Variants in FGD6 observed in about 807,000 individuals in gnomAD.
FGD6 encodes the protein FYVE, RhoGEF and PH domain-containing protein 6.
In FGD6, 90 loss-of-function variants were observed where a neutral mutation model predicts 149.4. The ratio of observed to expected loss-of-function variants is 0.60; its 90% CI spans 0.51 to 0.72. FGD6 has a LOEUF of 0.72. Among genes scored for constraint, FGD6 ranks in the 30% least tolerant of loss-of-function variants. The probability of loss-of-function intolerance (pLI) is 0.00; values close to 1 mark genes in which losing one functional copy is unlikely to be tolerated. For missense variants in FGD6, 1,437 were observed against 1,684.8 expected, an observed-to-expected ratio of 0.85 and a Z score of 2.57; for synonymous variants, 527 against 584.0, an observed-to-expected ratio of 0.90 and a Z score of 1.41.
In FGD6 at chr12:95,076,865, C is replaced by A. The variant is rs941013528; in HGVS notation, c.*4655G>T. ...ATACAAACTGTTATCATTTTAAGTA[C>A]AAAGTATTTCTAGAAATACATTATA... is the stretch of plus-strand genomic sequence containing the variant. On this transcript the variant is annotated 3_prime_UTR_variant, in exon 21 of 21. Transcript: ENST00000343958. 1 of 150,928 alleles carries A rather than the reference C, an allele frequency of 6.6e-6. No individual in the cohort carries two copies. Among genetic ancestry groups the A allele is most frequent in the Non-Finnish European group, 1.5e-5 (1 of 67,840 alleles). The allele number at this position is 150,928 out of a possible 1,614,324, so 9.3% of individuals were successfully genotyped here.
intron 2 of FGD6, among the ~76,000 whole-genome samples, chr12:95,177,551 C>T (rs972119066): frequency 4.6e-5 from 7 of 152,162 alleles, no homozygotes; most frequent in African/African-American, 1.7e-4. Flanking sequence ...CTTCTTTCTA[C>T]TCCTGGCCCA....
chr12:95,119,873 T>C (rs1305176575), intron 8 of FGD6, among the ~76,000 whole-genome samples: 4 of 152,228 alleles, frequency 2.6e-5, no homozygotes, highest in African/African-American at 7.2e-5. Flanking sequence ...TGAGCCAAGA[T>C]TGTGCCACTG....
chr12:95,171,378 A>G (rs1019731935), intron 3 of FGD6, among the ~76,000 whole-genome samples: 4 of 152,186 alleles, frequency 2.6e-5, no homozygotes, highest in African/African-American at 9.6e-5. Flanking sequence ...TTCAAATTCC[A>G]TATTGCTGTA....
At chr12:95,096,922 G>T (rs769745812) in intron 14 of FGD6, among the ~76,000 whole-genome samples, 5 of 152,104 alleles carry the variant, frequency 3.3e-5, no homozygotes, top group Non-Finnish European at 5.9e-5. Context: ...TCCCTCCCCG[G>T]CTCCTCACCA....
chr12:95,169,280 CTG>C (rs1880918266), intron 3 of FGD6, among the ~76,000 whole-genome samples: 1 of 151,754 alleles, frequency 6.6e-6, no homozygotes, highest in African/African-American at 2.4e-5. Flanking sequence ...ATGGGAATGT[CTG>C]TAACACAATC....
intron 12 of FGD6, 105 bp downstream of exon 12, chr12:95,107,458 G>A (rs1475131334): frequency 9.7e-7 from 1 of 1,029,550 alleles, no homozygotes; most frequent in Non-Finnish European, 1.5e-6. Context: ...AGCTGGTGAG[G>A]CTGATATTTG....
chr12:95,139,959 A>G (rs1270262093), intron 6 of FGD6, among the ~76,000 whole-genome samples: 1 of 152,074 alleles, frequency 6.6e-6, no homozygotes, highest in Non-Finnish European at 1.5e-5. Flanking sequence ...TAAAGACTAC[A>G]TTTTAGTCAT....
chr12:95,100,770 T>C (rs1057168307), intron 14 of FGD6: 4 of 483,950 alleles, frequency 8.3e-6, no homozygotes, highest in South Asian at 1.6e-5. Context: ...ATGCTTACAA[T>C]AGTGATGAGC....
In FGD6 at chr12:95,209,201, T is replaced by C. The variant is rs1481529407; in HGVS notation, c.2083A>G (p.Asn695Asp). 1.2e-6 allele frequency: 2 copies of C among 1,614,118 alleles called. No homozygotes were observed. Among genetic ancestry groups the C allele is most frequent in the Admixed American group, 1.7e-5 (1 of 60,012 alleles). The change falls in exon 2 of 21, where the codon AAC becomes GAC. Residue 695 changes from asparagine to aspartate, a missense_variant. By Grantham distance (23) the Asn-to-Asp change is conservative. Coordinates refer to ENST00000343958, the MANE Select transcript of FGD6 (RefSeq NM_018351.4). ...SKPIKAYSTE[N>D]YSLESQKKRK... ...TTCTTTTGAGATTCCAGGCTATAGT[T>C]TTCTGTGGAATATGCCTTGATGGGT...
chr12:95,110,526 T>C (rs371797804), intron 9 of FGD6, among the ~76,000 whole-genome samples: 1 of 151,958 alleles, frequency 6.6e-6, no homozygotes, highest in African/African-American at 2.4e-5. Context: ...CAGCTAATTT[T>C]TGTATTTTTA....
At chr12:95,123,289 G>A (rs145612071) in intron 8 of FGD6, among the ~76,000 whole-genome samples, 4 of 152,060 alleles carry the variant, frequency 2.6e-5, no homozygotes, top group South Asian at 2.1e-4. Flanking sequence ...CCAGCTACTT[G>A]GGAGGCTCAG....
In FGD6 at chr12:95,210,162, C is replaced by G. The variant is rs944472730; in HGVS notation, c.1122G>C (p.Gln374His). 1.9e-6 allele frequency: 3 copies of G among 1,613,840 alleles called. No individual in the cohort carries two copies. The African/African-American group carries it at 4.0e-5, about 22-fold the overall frequency. Residue 374 changes from glutamine (Q) to histidine (H), a missense_variant, in exon 2 of 21, where the codon CAG becomes CAC. Around this residue, in one of 2 missense-constraint regions of FGD6, gnomAD observed 1,055 missense variants for 1,146.0 expected, o/e 0.92. Coordinates refer to ENST00000343958, the MANE Select transcript of FGD6 (RefSeq NM_018351.4). ...TATTTCCTAGCTTCATTTTATCCAC[C>G]TGTTCCTGCTTACACAAAACATTCT... is the stretch of plus-strand genomic sequence containing the variant. Reference protein sequence around the residue: ...LHQNVLCKQEQVDKMKLGNKS... With the variant: ...LHQNVLCKQEHVDKMKLGNKS...
At chr12:95,179,959 T>C (rs1441034223) in intron 2 of FGD6, among the ~76,000 whole-genome samples, 2 of 151,614 alleles carry the variant, frequency 1.3e-5, no homozygotes, top group Non-Finnish European at 2.9e-5. Context: ...ATACCTGTAA[T>C]CCCAGCTACA....
chr12:95,110,587 C>T (rs1042490043), intron 9 of FGD6, among the ~76,000 whole-genome samples: 2 of 151,596 alleles, frequency 1.3e-5, no homozygotes, highest in Non-Finnish European at 2.9e-5. Context: ...AACTCCTGAC[C>T]TCAGGTGATC....
chr12:95,141,420 G>A lies in FGD6; in HGVS notation c.2805C>T (p.Leu935=). ...LPQLYELNRD[L]LKELEERMLH... Reference sequence around the variant, plus strand: ...ACATTCTTTCCTCCAGTTCCTTCAAGAGATCCCGGTTGAGCTCATACAGCT... The same window carrying A: ...ACATTCTTTCCTCCAGTTCCTTCAAAAGATCCCGGTTGAGCTCATACAGCT... Residue 935 remains leucine (L), a synonymous_variant, in exon 6 of 21, where the codon CTC becomes CTT. Coordinates refer to ENST00000343958, the MANE Select transcript of FGD6 (RefSeq NM_018351.4). 3 of 1,614,094 alleles carry A rather than the reference G, an allele frequency of 1.9e-6. No individual in the cohort carries two copies. The highest frequency in any genetic ancestry group is 2.5e-6 in the Non-Finnish European group (3 of 1,179,994).
At chr12:95,117,521 C>T (rs565194319) in intron 8 of FGD6, among the ~76,000 whole-genome samples, 1 of 152,106 alleles carries the variant, frequency 6.6e-6, no homozygotes, top group East Asian at 1.9e-4. Flanking sequence ...ATCTCCCAGG[C>T]TCAAGTGGCT....
intron 5 of FGD6, among the ~76,000 whole-genome samples, chr12:95,150,232 T>G (rs1268610327): frequency 6.6e-6 from 1 of 152,088 alleles, no homozygotes; most frequent in Admixed American, 6.6e-5. Context: ...TTCTCCATGT[T>G]GGTCAGGCTG....
chr12:95,122,250 C>G (rs1672194969), intron 8 of FGD6, among the ~76,000 whole-genome samples: 1 of 152,100 alleles, frequency 6.6e-6, no homozygotes, highest in Non-Finnish European at 1.5e-5. Context: ...GTAAATGGTA[C>G]TATAATATAA....
rs1335586216 is a variant in FGD6, at chr12:95,076,849, G to A, written c.*4671C>T. Reference sequence around the variant, plus strand: ...ATATATGGACAAAAAGATACAAACTGTTATCATTTTAAGTACAAAGTATTT... The same window carrying A: ...ATATATGGACAAAAAGATACAAACTATTATCATTTTAAGTACAAAGTATTT... On this transcript the variant is annotated 3_prime_UTR_variant, in exon 21 of 21. Coordinates refer to ENST00000343958, the MANE Select transcript of FGD6 (RefSeq NM_018351.4). 6.6e-6 allele frequency: 1 copy of A among 151,120 alleles called. No individual in the cohort carries two copies. Among genetic ancestry groups the A allele is most frequent in the African/African-American group, 2.4e-5 (1 of 41,100 alleles). 9.4% of individuals were successfully genotyped at this position (151,120 alleles called of 1,614,324 possible).
Sources: allele counts gnomAD v4.1 joint callset (sites outside exome capture counted in the v4.1 genomes callset), GRCh38; gene constraint gnomAD v4.1.1; regional missense constraint gnomAD v4.1.1; transcripts MANE v1.5; gene names NCBI Gene and HGNC (gene_info 2026-07-23, HGNC 2026-07-21).